Variants in METAP1 observed in about 807,000 individuals in gnomAD.
The protein encoded by METAP1 is methionine aminopeptidase 1.
Under a neutral mutation model 53.8 loss-of-function variants are expected in METAP1, and 28 were observed. The ratio of observed to expected loss-of-function variants is 0.52; its 90% CI spans 0.39 to 0.71. The LOEUF (loss-of-function observed/expected upper bound fraction) is 0.71. Ranked by LOEUF, METAP1 falls within the 30% of genes least tolerant of loss-of-function variation. The pLI is 0.00. For missense variants in METAP1, 389 were observed against 479.8 expected, an observed-to-expected ratio of 0.81 and a Z score of 1.77; for synonymous variants, 181 against 165.7, an observed-to-expected ratio of 1.09 and a Z score of -0.71.
chr4:99,029,323 C>G (rs1724821995), intron 2 of METAP1, among the ~76,000 whole-genome samples: 1 of 152,138 alleles, frequency 6.6e-6, no homozygotes, highest in African/African-American at 2.4e-5. Context: ...TTTTTCTACT[C>G]AAAACTATAT....
At chr4:99,022,957 G>T in intron 1 of METAP1, 1 of 1,486,672 alleles carries the variant, frequency 6.7e-7, no homozygotes, top group South Asian at 1.2e-5. Context: ...GACATGTAGG[G>T]GCTGGAAGTG....
chr4:99,039,264 T>C, intron 4 of METAP1, 110 bp from the exon 5 acceptor site: 1 of 610,974 alleles, frequency 1.6e-6, no homozygotes, highest in South Asian at 2.5e-5. Context: ...TGAATTACTG[T>C]TGTGTGAAAC....
Position 99,057,745 on chromosome 4 carries a change from G to A in METAP1, c.932-8G>A, listed in dbSNP as rs1365062138. On this transcript the variant is annotated splice_polypyrimidine_tract_variant and splice_region_variant and intron_variant, in intron 9 of 10. Coordinates refer to ENST00000296411, the MANE Select transcript of METAP1 (RefSeq NM_015143.3). ...GCTACCTTTTGAGATTTTTTTCTTTGATTTCAGAAAATAAAGCAGTTGGAG... is the reference window on the plus strand; with the variant it reads ...GCTACCTTTTGAGATTTTTTTCTTTAATTTCAGAAAATAAAGCAGTTGGAG... 5 of 1,573,304 alleles carry A rather than the reference G, an allele frequency of 3.2e-6. No individual in the cohort carries two copies. The highest frequency in any genetic ancestry group is 1.4e-5 in the African/African-American group (1 of 73,786).
intron 2 of METAP1, 143 bp from the exon 3 acceptor site, chr4:99,034,087 G>A (rs1212766417): frequency 1.7e-6 from 1 of 587,108 alleles, no homozygotes; most frequent in Non-Finnish European, 3.1e-6. Flanking sequence ...GTAAAAGTTT[G>A]GTGGATTTTT....
chr4:99,042,208 GAGA>G (rs1725924185), intron 6 of METAP1, among the ~76,000 whole-genome samples: 1 of 151,724 alleles, frequency 6.6e-6, no homozygotes, highest in African/African-American at 2.4e-5. Context: ...GTAATGCTAT[GAGA>G]AGTAGAGAAG....
In METAP1 at chr4:99,043,273, C is replaced by T. The variant is rs1460081400; in HGVS notation, c.541C>T (p.Pro181Ser). The T allele has an allele frequency of 1.3e-6, 2 of 1,596,904 alleles. No homozygotes were observed. The highest frequency in any genetic ancestry group is 8.6e-7 in the Non-Finnish European group (1 of 1,168,478). The change falls in exon 7 of 11, where the codon CCT becomes TCT. Residue 181 changes from proline to serine, a missense_variant. Coordinates refer to ENST00000296411, the MANE Select transcript of METAP1 (RefSeq NM_015143.3). ...HLACIARNCY[P>S]SPLNYYNFPK... ...GGCATGTATTGCAAGAAATTGCTACCCTTCTCCCCTGAATTATTATAATTT... is the reference window on the plus strand; with the variant it reads ...GGCATGTATTGCAAGAAATTGCTACTCTTCTCCCCTGAATTATTATAATTT...
chr4:99,056,742 T>C (rs1727153049), intron 9 of METAP1, among the ~76,000 whole-genome samples: 1 of 152,092 alleles, frequency 6.6e-6, no homozygotes, highest in Non-Finnish European at 1.5e-5. Flanking sequence ...GCTAATTTTT[T>C]GTATTTTTAG....
chr4:99,026,425 T>C (rs1220350417), intron 1 of METAP1: 2 of 985,258 alleles, frequency 2.0e-6, no homozygotes, highest in Admixed American at 1.2e-4. Flanking sequence ...TTAGAGAAAG[T>C]AGCATTTGAA....
intron 9 of METAP1, among the ~76,000 whole-genome samples, chr4:99,053,196 C>T (rs1726843416): frequency 6.6e-6 from 1 of 152,192 alleles, no homozygotes; most frequent in African/African-American, 2.4e-5. Flanking sequence ...ATTTGGCTTC[C>T]TCTCATGCAT....
In METAP1 at chr4:98,995,762, C is replaced by G. The variant is rs1369835111; in HGVS notation, c.9C>G (p.Ala3=). 6.5e-6 allele frequency: 10 copies of G among 1,544,732 alleles called. No individual in the cohort carries two copies. The South Asian group carries it at 1.1e-4, about 17-fold the overall frequency. The change falls in exon 1 of 11, where the codon GCC becomes GCG. Residue 3 remains alanine (A), a synonymous_variant. Transcript: ENST00000296411. The part of the protein sequence containing the change: MA[A]VETRVCETDG... ...TCCAGCGGGCAGGCAGCATGGCGGC[C>G]GTGGAGACGCGGGTGTGCGAGACAG...
At chr4:98,999,468 T>C (rs1179694874) in intron 1 of METAP1, among the ~76,000 whole-genome samples, 1 of 150,220 alleles carries the variant, frequency 6.7e-6, no homozygotes, top group Non-Finnish European at 1.5e-5. Context: ...TATACTGTTT[T>C]ATGTTTAGGA....
rs1348860406 is a variant in METAP1 at position 99,053,936 on chromosome 4, C to A, written c.932-3817C>A. On this transcript the variant is annotated intron_variant, in intron 9 of 10. Transcript: ENST00000296411. ...TAATATTATTAAAATATTCAGTAAA[C>A]CATGCTATAAATTGAGGTGCTGTCA... Among the ~76,000 whole-genome samples the A allele has an allele frequency of 4.0e-5, 6 of 149,882 alleles. No individual in the cohort carries two copies. In the East Asian group the frequency reaches 1.2e-3, roughly 29 times the overall value.
chr4:99,016,669 TATA>T (rs1723786650), intron 1 of METAP1, among the ~76,000 whole-genome samples: 5 of 152,222 alleles, frequency 3.3e-5, no homozygotes, highest in Admixed American at 3.3e-4. Context: ...AGCATTTCAA[TATA>T]ATCAACTTGA....
intron 1 of METAP1, chr4:99,022,687 G>A: frequency 7.2e-7 from 1 of 1,380,994 alleles, no homozygotes; most frequent in Non-Finnish European, 1.0e-6. Context: ...AGGTGAAATG[G>A]TGCAAGTACT....
chr4:98,998,813 AT>A (rs532427603), intron 1 of METAP1, among the ~76,000 whole-genome samples: 700 of 143,764 alleles, frequency 4.9e-3, no homozygotes, highest in Non-Finnish European at 6.1e-3. Flanking sequence ...AAAAATGAGG[AT>A]TTTTTTTTTT....
Position 99,061,288 on chromosome 4 carries a change from G to A in METAP1, c.1132G>A (p.Ala378Thr). 6.2e-7 allele frequency: 1 copy of A among 1,613,704 alleles called. No individual in the cohort carries two copies. The highest frequency in any genetic ancestry group is 8.5e-7 in the Non-Finnish European group (1 of 1,179,764). The change falls in exon 11 of 11, where the codon GCA becomes ACA. Residue 378 changes from alanine (A) to threonine (T), a missense_variant. Physicochemically the swap from Ala to Thr is moderately conservative, Grantham distance 58. Coordinates refer to ENST00000296411, the MANE Select transcript of METAP1 (RefSeq NM_015143.3). The stretch of plus-strand genomic sequence containing the variant: ...AATCCTAACCCGGCGACTTGACAGT[G>A]CACGGCCTCACTTCATGTCTCAATT... The part of the protein sequence containing the change: ...CEILTRRLDS[A>T]RPHFMSQF
At chr4:99,028,996 C>A in intron 2 of METAP1, 78 bp downstream of exon 2, 4 of 938,696 alleles carry the variant, frequency 4.3e-6, no homozygotes, top group South Asian at 1.7e-5. Flanking sequence ...TCTTCTAGTT[C>A]TGAAAGTGTA....
rs1238199868 is a variant in METAP1, at chr4:99,041,671, CAT to C, written c.516+548_516+549del. Among the ~76,000 whole-genome samples the C allele has an allele frequency of 5.9e-5, 9 of 151,872 alleles. No individual in the cohort carries two copies. The East Asian group carries it at 1.6e-3, about 26-fold the overall frequency. Reference sequence around the variant, plus strand: ...AAAGAGTGATAAGTAGTTAATATAACATATGGAAAGCAGATCACACGTGTTCT... The same window carrying C: ...AAAGAGTGATAAGTAGTTAATATAACATGGAAAGCAGATCACACGTGTTCT... On this transcript the variant is annotated intron_variant, in intron 6 of 10. Transcript: ENST00000296411.
intron 4 of METAP1, 82 bp from the exon 5 acceptor site, chr4:99,039,292 T>C (rs1053399096): frequency 1.3e-6 from 1 of 789,610 alleles, no homozygotes; most frequent in African/African-American, 1.7e-5. Context: ...CTACTGTTTT[T>C]ATGCCACAGG....
Sources: allele counts gnomAD v4.1 joint callset (sites outside exome capture counted in the v4.1 genomes callset), GRCh38; gene constraint gnomAD v4.1.1; transcripts MANE v1.5; gene names NCBI Gene and HGNC (gene_info 2026-07-23, HGNC 2026-07-21).